The following TXLNB variants were observed in gnomAD, a reference collection of about 807,000 sequenced individuals.
The protein encoded by TXLNB is beta-taxilin.
A neutral mutation model predicts 57.4 loss-of-function variants in TXLNB; 37 were observed. The ratio of observed to expected loss-of-function variants is 0.64; its 90% CI spans 0.50 to 0.85. TXLNB has a LOEUF of 0.85. TXLNB is among the 40% of genes least tolerant of loss of function. TXLNB has a pLI of 0.00. For synonymous variants in TXLNB, 302 were observed against 309.6 expected (o/e 0.98, Z 0.26); for missense variants, 848 against 825.6 (o/e 1.03, Z -0.33).
intron 3 of TXLNB, chr6:139,271,439 T>TA (rs542862527): frequency 3.6e-4 from 55 of 152,312 alleles, no homozygotes; most frequent in African/African-American, 1.3e-3. Context: ...GAAACCAACT[T>TA]ACCGCTGTAC....
At chr6:139,253,006 AACTC>A (rs1461154714) in intron 7 of TXLNB, among the ~76,000 whole-genome samples, 1 of 151,994 alleles carries the variant, frequency 6.6e-6, no homozygotes, top group African/African-American at 2.4e-5. Context: ...ACAAACAAAA[AACTC>A]CTGTTGTCTC....
At chr6:139,313,085 T>A in the TXLNB span, among the ~76,000 whole-genome samples, 1 of 152,094 alleles carries the variant, frequency 6.6e-6, no homozygotes, top group Non-Finnish European at 1.5e-5. Context: ...CTCTTTTTTT[T>A]TTTTTGAGAT....
chr6:139,296,362 G>A (rs117714490), upstream of TXLNB, among the ~76,000 whole-genome samples: 4,017 of 152,176 alleles, frequency 0.026, 84 homozygotes, highest in Non-Finnish European at 0.04. Context: ...ATTTTCCCCT[G>A]TCTTTTAGTT....
chr6:139,242,536 C>T lies in TXLNB; in HGVS notation c.2045G>A (p.Gly682Asp). Residue 682 changes from glycine (G) to aspartate (D), a missense_variant, in exon 10 of 10, where the codon GGC becomes GAC. Coordinates refer to ENST00000358430, the MANE Select transcript of TXLNB (RefSeq NM_153235.4). Reference protein sequence around the residue: ...PRNVADTNLEGVD With the variant: ...PRNVADTNLEDVD The stretch of plus-strand genomic sequence containing the variant: ...AAGGCACGGTGAGGCTTAGTCGACG[C>T]CTTCCAGATTGGTGTCAGCCACGTT... The T allele has an allele frequency of 6.7e-7, 1 of 1,501,284 alleles. No individual in the cohort carries two copies. The highest frequency in any genetic ancestry group is 8.9e-7 in the Non-Finnish European group (1 of 1,127,016). The allele number at this position is 1,501,284 out of a possible 1,614,324, so 93.0% of individuals were successfully genotyped here. A position where few individuals can be genotyped will look rare whatever the true frequency, so the allele number is the denominator to read the frequency against.
At chr6:139,188,176 T>G in the TXLNB span, among the ~76,000 whole-genome samples, 1 of 152,164 alleles carries the variant, frequency 6.6e-6, no homozygotes, top group African/African-American at 2.4e-5. Flanking sequence ...TCCTGTGTCA[T>G]GGATACAGGA....
At chr6:139,191,360 G>A in the TXLNB span, among the ~76,000 whole-genome samples, 7 of 152,042 alleles carry the variant, frequency 4.6e-5, no homozygotes, top group African/African-American at 7.2e-5. Context: ...TGGAGGTTGC[G>A]GTGAGCCGAG....
chr6:139,217,950 G>C, the TXLNB span, among the ~76,000 whole-genome samples: 3 of 150,834 alleles, frequency 2.0e-5, no homozygotes, highest in Non-Finnish European at 3.0e-5. Context: ...TGAACATTGT[G>C]TCCAACATGA....
the TXLNB span, among the ~76,000 whole-genome samples, chr6:139,226,302 C>CAAA: frequency 0.68 from 26,663 of 39,242 alleles, 10,293 homozygotes; most frequent in South Asian, 0.75. Context: ...GACCCTGTCT[C>CAAA]AAAAAAAAAA....
chr6:139,271,444 C>T (rs187540499), intron 3 of TXLNB: 11 of 152,256 alleles, frequency 7.2e-5, no homozygotes, highest in African/African-American at 1.9e-4. Context: ...CAACTTACCG[C>T]TGTACTTTCC....
At chr6:139,196,363 T>C in the TXLNB span, among the ~76,000 whole-genome samples, 2 of 53,902 alleles carry the variant, frequency 3.7e-5, no homozygotes, top group Non-Finnish European at 7.4e-5. Flanking sequence ...TCTCCAGATC[T>C]GGTTTTTTTT....
At chr6:139,261,483 A>C (rs1776481070) in intron 5 of TXLNB, among the ~76,000 whole-genome samples, 1 of 152,210 alleles carries the variant, frequency 6.6e-6, no homozygotes, top group African/African-American at 2.4e-5. Context: ...TTACATTTTA[A>C]AGCAGAGATT....
chr6:139,285,550 A>G (rs1472707262), intron 2 of TXLNB, among the ~76,000 whole-genome samples: 1 of 144,616 alleles, frequency 6.9e-6, no homozygotes, highest in Non-Finnish European at 1.5e-5. Context: ...CCAACCCTGC[A>G]CTTTGGAACT....
the TXLNB span, chr6:139,166,632 C>G: frequency 8.7e-6 from 14 of 1,614,096 alleles, no homozygotes; most frequent in Admixed American, 2.3e-4. Context: ...AAGTCTGGCT[C>G]CGAGAAGAAC....
chr6:139,289,371 G>C (rs1468360256), intron 1 of TXLNB, among the ~76,000 whole-genome samples: 1 of 152,128 alleles, frequency 6.6e-6, no homozygotes, highest in Non-Finnish European at 1.5e-5. Flanking sequence ...TCACGTGCAC[G>C]CACTTAGAGT....
the TXLNB span, among the ~76,000 whole-genome samples, chr6:139,299,323 C>T: frequency 3.3e-5 from 5 of 152,330 alleles, 1 homozygote; most frequent in African/African-American, 1.2e-4. Context: ...CTTCCTTTGG[C>T]TCATGTTCCC....
chr6:139,183,693 T>G, the TXLNB span: 1 of 152,254 alleles, frequency 6.6e-6, no homozygotes, highest in Admixed American at 6.5e-5. Context: ...AATTAAAGGT[T>G]GTTTTATTCA....
the TXLNB span, among the ~76,000 whole-genome samples, chr6:139,200,639 A>G: frequency 6.6e-6 from 1 of 152,164 alleles, no homozygotes; most frequent in Admixed American, 6.5e-5. Context: ...ATGGACAGAG[A>G]TTTGGGATGT....
the TXLNB span, among the ~76,000 whole-genome samples, chr6:139,200,315 G>T: frequency 6.6e-6 from 1 of 151,962 alleles, no homozygotes; most frequent in Non-Finnish European, 1.5e-5. Flanking sequence ...TCCTGTCTTG[G>T]TGTCTACGAT....
the TXLNB span, chr6:139,177,012 A>T: frequency 1.1e-6 from 1 of 872,920 alleles, no homozygotes; most frequent in Non-Finnish European, 2.0e-6. This position sits in a 1 kb window ranked among gnomAD's most constrained non-coding sequence, Gnocchi z 4.9. Flanking sequence ...ACTTCTCCGA[A>T]TATAGCAACG....
Sources: gnomAD v4.1 joint callset for allele counts (sites outside exome capture counted in the v4.1 genomes callset) on GRCh38, gnomAD v4.1.1 for gene constraint, Gnocchi (gnomAD v3.1) non-coding constraint, MANE v1.5 for transcripts, NCBI Gene and HGNC (gene_info 2026-07-23, HGNC 2026-07-21) for gene names.